SLC24A1: variants seen among roughly 807,000 people sequenced by gnomAD.
SLC24A1 encodes sodium/potassium/calcium exchanger 1.
In SLC24A1, 52 loss-of-function variants were observed where a neutral mutation model predicts 88.1. The ratio of observed to expected loss-of-function variants is 0.59; its 90% confidence interval spans 0.47 to 0.74. The LOEUF is 0.74. SLC24A1 is among the 30% of genes least tolerant of loss of function. The pLI is 0.00. For missense variants in SLC24A1, 1,173 were observed against 1,363.3 expected (o/e 0.86, Z 2.20); for synonymous variants, 455 against 498.0 (o/e 0.91, Z 1.15).
upstream of SLC24A1, among the ~76,000 whole-genome samples, chr15:65,618,278 ATACT>A (rs543620914): frequency 6.6e-4 from 101 of 152,244 alleles, no homozygotes; most frequent in African/African-American, 2.3e-3. Flanking sequence ...AACATATATA[ATACT>A]TTCTACCTAA....
chr15:65,625,996 T>C, intron 2 of SLC24A1, 26 bp downstream of exon 2: 1 of 1,540,508 alleles, frequency 6.5e-7, no homozygotes, highest in South Asian at 1.1e-5. Flanking sequence ...CTCAGGTTTC[T>C]CTAGCCCCTT....
In SLC24A1 at chr15:65,625,693, T is replaced by G; in HGVS notation, c.1613T>G (p.Phe538Cys). 6.2e-7 allele frequency: 1 copy of G among 1,614,002 alleles called. No individual in the cohort carries two copies. The highest frequency in any genetic ancestry group is 1.1e-5 in the South Asian group (1 of 91,070). ...IVGSAVFNIL[F>C]VIGTCSLFSR... Reference sequence around the variant, plus strand: ...GGCTCTGCTGTGTTCAACATTCTCTTTGTCATTGGCACTTGTTCCCTCTTC... The same window carrying G: ...GGCTCTGCTGTGTTCAACATTCTCTGTGTCATTGGCACTTGTTCCCTCTTC... Residue 538 changes from phenylalanine to cysteine, a missense_variant, in exon 2 of 10, where the codon TTT becomes TGT. Coordinates refer to ENST00000261892, the MANE Select transcript of SLC24A1 (RefSeq NM_004727.3).
At chr15:65,647,798 C>A (rs1268105729) in intron 6 of SLC24A1, among the ~76,000 whole-genome samples, 1 of 152,174 alleles carries the variant, frequency 6.6e-6, no homozygotes, top group Non-Finnish European at 1.5e-5. Context: ...AATCCTCATT[C>A]TCAGTTCAAA....
chr15:65,650,475 G>C lies in SLC24A1; in HGVS notation c.2326G>C (p.Glu776Gln), dbSNP rs150992293. 272 of 1,551,704 alleles carry C rather than the reference G, an allele frequency of 1.8e-4. 1 individual carries two copies. In the East Asian group the frequency reaches 6.1e-3, roughly 35 times the overall value. Reference protein sequence around the residue: ...EGETEEKSGGETQPEGEGETE... With the variant: ...EGETEEKSGGQTQPEGEGETE... Reference sequence around the variant, plus strand: ...TGAAACTGAAGAGAAAAGTGGAGGTGAAACTCAACCAGAAGGTGAAGGTGA... The same window carrying C: ...TGAAACTGAAGAGAAAAGTGGAGGTCAAACTCAACCAGAAGGTGAAGGTGA... The change falls in exon 7 of 10, where the codon GAA becomes CAA. Residue 776 changes from glutamate (E) to glutamine (Q), a missense_variant. Transcript: ENST00000261892. This position sits in a 1 kb window ranked among gnomAD's most constrained non-coding sequence, Gnocchi z 4.1.
chr15:65,646,059 GTGAA>G (rs746190958), intron 6 of SLC24A1, among the ~76,000 whole-genome samples: 1 of 152,122 alleles, frequency 6.6e-6, no homozygotes, highest in Non-Finnish European at 1.5e-5. Context: ...GGGATGCTGG[GTGAA>G]GGCTTTCCAA....
At chr15:65,616,460 T>G (rs931699097) in intron 2 of SLC24A1, among the ~76,000 whole-genome samples, 21 of 152,262 alleles carry the variant, frequency 1.4e-4, no homozygotes, top group African/African-American at 5.1e-4. Context: ...GGTTTTGATT[T>G]GCATTTCTCT....
At chr15:65,660,130 T>C, downstream of SLC24A1, 1 of 561,048 alleles carries the variant, frequency 1.8e-6, no homozygotes. Context: ...ACATGAAGCT[T>C]GGATCTGAAT....
At chr15:65,621,309 T>C (rs1036143808), upstream of SLC24A1, among the ~76,000 whole-genome samples, 3 of 152,172 alleles carry the variant, frequency 2.0e-5, no homozygotes, top group East Asian at 5.8e-4. Flanking sequence ...CTCCAAGTCA[T>C]GGGCTGGAGG....
chr15:65,648,489 T>G (rs937709127), intron 6 of SLC24A1, among the ~76,000 whole-genome samples: 3 of 144,844 alleles, frequency 2.1e-5, no homozygotes, highest in Non-Finnish European at 4.5e-5. Context: ...TTTTATCTCT[T>G]TTTTTTTTTT....
chr15:65,649,599 T>A (rs1004988184), intron 6 of SLC24A1, among the ~76,000 whole-genome samples: 2 of 152,180 alleles, frequency 1.3e-5, no homozygotes, highest in African/African-American at 4.8e-5. Context: ...TCTCCATCTG[T>A]AAGATGGGCA....
In SLC24A1 at chr15:65,654,881, A is replaced by T; in HGVS notation, c.*802A>T. 8.5e-7 allele frequency: 1 copy of T among 1,180,030 alleles called. No homozygotes were observed. Among genetic ancestry groups the T allele is most frequent in the South Asian group, 1.6e-5 (1 of 63,146 alleles). 73.1% of individuals were successfully genotyped at this position (1,180,030 alleles called of 1,614,324 possible). ...CCAAAGTGCTGGGATTACAGGCGTC[A>T]GCCACCGCGCCTGGCCTATACCAGT... On this transcript the variant is annotated 3_prime_UTR_variant, in exon 10 of 10. Transcript: ENST00000261892.
At chr15:65,631,050 AC>A (rs1294049574) in intron 2 of SLC24A1, among the ~76,000 whole-genome samples, 1 of 152,208 alleles carries the variant, frequency 6.6e-6, no homozygotes, top group Non-Finnish European at 1.5e-5. Flanking sequence ...CCAGCAGATG[AC>A]AAAATGAATG....
intron 8 of SLC24A1, 53 bp from the exon 9 acceptor site, chr15:65,652,589 G>C: frequency 1.3e-6 from 2 of 1,555,952 alleles, no homozygotes; most frequent in East Asian, 4.5e-5. Flanking sequence ...TGTGGATAGT[G>C]CTTGGATGTG....
At position 65,642,944 on chromosome 15, in the gene SLC24A1, A is replaced by C. The variant is rs1293483919; in HGVS notation, c.2054-1483A>C. 3 of 1,221,162 alleles carry C rather than the reference A, an allele frequency of 2.5e-6. No homozygotes were observed. In the East Asian group the frequency reaches 1.7e-4, roughly 69 times the overall value. 75.6% of individuals were successfully genotyped at this position (1,221,162 alleles called of 1,614,324 possible). On this transcript the variant is annotated intron_variant, in intron 4 of 9. Coordinates refer to ENST00000261892, the MANE Select transcript of SLC24A1 (RefSeq NM_004727.3). ...CTGTATTATGGACTAGATGATCTCC[A>C]GGGTTCCTTCTAACTCGGACCCTCT...
At chr15:65,657,433 A>C (rs1596363906), downstream of SLC24A1, among the ~76,000 whole-genome samples, 1 of 152,120 alleles carries the variant, frequency 6.6e-6, no homozygotes, top group East Asian at 1.9e-4. Flanking sequence ...CGAGGTCAGT[A>C]GATCGAGACC....
chr15:65,638,529 G>C (rs1566956782), intron 3 of SLC24A1, among the ~76,000 whole-genome samples: 2 of 152,182 alleles, frequency 1.3e-5, no homozygotes, highest in South Asian at 4.1e-4. Context: ...AACATTGTAT[G>C]ATTGATATAA....
intron 2 of SLC24A1, among the ~76,000 whole-genome samples, chr15:65,631,745 C>T (rs942406485): frequency 1.3e-5 from 2 of 152,126 alleles, no homozygotes; most frequent in East Asian, 1.9e-4. Context: ...TCATTAGTTT[C>T]GCTTTTAATG....
chr15:65,636,614 G>A (rs1454983518), intron 2 of SLC24A1, among the ~76,000 whole-genome samples: 2 of 151,930 alleles, frequency 1.3e-5, no homozygotes, highest in African/African-American at 4.8e-5. Context: ...AGTGGCTCAT[G>A]CCTGTAATCC....
intron 3 of SLC24A1, 59 bp downstream of exon 3, chr15:65,638,240 C>T: frequency 8.3e-7 from 1 of 1,201,860 alleles, no homozygotes; most frequent in Non-Finnish European, 1.2e-6. Flanking sequence ...TGGATGATCA[C>T]AGGCCCAGGG....
Sources: gnomAD v4.1 joint callset for allele counts (sites outside exome capture counted in the v4.1 genomes callset) on GRCh38, gnomAD v4.1.1 for gene constraint, Gnocchi (gnomAD v3.1) non-coding constraint, MANE v1.5 for transcripts, NCBI Gene and HGNC (gene_info 2026-07-23, HGNC 2026-07-21) for gene names.